The following CCNY variants were observed in gnomAD, a reference collection of about 807,000 sequenced individuals.
CCNY encodes the protein cyclin Y.
CCNY carries 19 observed loss-of-function variants against 42.8 expected under a neutral mutation model. That is an observed-to-expected ratio of 0.44 (90% CI 0.31 to 0.65). The LOEUF (loss-of-function observed/expected upper bound fraction) is 0.65, where lower values mean the gene tolerates loss of function less well. Ranked by LOEUF, CCNY falls within the 30% of genes least tolerant of loss-of-function variation. The pLI is 0.07. For synonymous variants in CCNY, 165 were observed against 162.7 expected (o/e 1.01, Z -0.11); for missense variants, 370 against 437.3 (o/e 0.85, Z 1.37).
intron 1 of CCNY, among the ~76,000 whole-genome samples, chr10:35,364,781 T>C (rs1836773390): frequency 6.6e-6 from 1 of 152,210 alleles, no homozygotes; most frequent in African/African-American, 2.4e-5. Flanking sequence ...ATTCTTATAA[T>C]TACTGCAATT....
At chr10:35,547,771 C>T (rs1489183649) in intron 7 of CCNY, among the ~76,000 whole-genome samples, 1 of 152,154 alleles carries the variant, frequency 6.6e-6, no homozygotes, top group South Asian at 2.1e-4. Flanking sequence ...GGAGCACGCT[C>T]TGCCGGCCCC....
chr10:35,416,991 T>C (rs932036511), intron 1 of CCNY, among the ~76,000 whole-genome samples: 5 of 152,230 alleles, frequency 3.3e-5, no homozygotes, highest in African/African-American at 4.8e-5. Flanking sequence ...TATTTCTTGC[T>C]TAAACAAAAC....
intron 1 of CCNY, among the ~76,000 whole-genome samples, chr10:35,432,873 C>T (rs1838443727): frequency 6.6e-6 from 1 of 152,194 alleles, no homozygotes; most frequent in South Asian, 2.1e-4. Flanking sequence ...CAGTGTGTTC[C>T]TTTGCTGTCT....
intron 8 of CCNY, 147 bp from the exon 9 acceptor site, chr10:35,565,876 T>G: frequency 5.2e-6 from 4 of 775,292 alleles, no homozygotes. Context: ...AATCCCAATA[T>G]GGTGGTCTAA....
Position 35,313,802 on chromosome 10 carries a change from G to A in CCNY, c.-9+63176G>A, listed in dbSNP as rs11010168. Among the ~76,000 whole-genome samples, 683 of 151,962 alleles carry A rather than the reference G, an allele frequency of 4.5e-3. 6 individuals are homozygous for A. Among genetic ancestry groups the A allele is most frequent in the African/African-American group, 0.016 (651 of 41,436 alleles). On this transcript the variant is annotated intron_variant, in intron 3 of 11. Transcript: ENST00000374706. ...AGCCTGGGCAACATGTTGAAACACCGTCTCTACCAAAAAAGATAAAAAAAC... is the reference window on the plus strand; with the variant it reads ...AGCCTGGGCAACATGTTGAAACACCATCTCTACCAAAAAAGATAAAAAAAC...
intron 1 of CCNY, among the ~76,000 whole-genome samples, chr10:35,470,500 C>G (rs956968651): frequency 6.6e-6 from 1 of 152,170 alleles, no homozygotes; most frequent in Admixed American, 6.5e-5. Context: ...CACACACTTG[C>G]AAAGACATAC....
At chr10:35,406,200 A>C (rs146730530) in intron 1 of CCNY, among the ~76,000 whole-genome samples, 2,190 of 104,424 alleles carry the variant, frequency 0.021, 52 homozygotes, top group East Asian at 0.072. Flanking sequence ...TTTCTTTTTT[A>C]TTTTATTTAT....
intron 1 of CCNY, among the ~76,000 whole-genome samples, chr10:35,371,261 T>C (rs1836930266): frequency 6.6e-6 from 1 of 152,228 alleles, no homozygotes; most frequent in Non-Finnish European, 1.5e-5. Context: ...CTGGACATTG[T>C]ATCAGCTGAT....
intron 1 of CCNY, among the ~76,000 whole-genome samples, chr10:35,434,769 T>C (rs1289949412): frequency 1.3e-5 from 2 of 152,236 alleles, no homozygotes; most frequent in Non-Finnish European, 2.9e-5. Flanking sequence ...ACTGTATTTT[T>C]TGACCCATGT....
At chr10:35,414,616 TG>T in intron 1 of CCNY, among the ~76,000 whole-genome samples, 1 of 152,142 alleles carries the variant, frequency 6.6e-6, no homozygotes, top group Non-Finnish European at 1.5e-5. Context: ...AATCATTGGG[TG>T]GGTGAGAACC....
intron 3 of CCNY, among the ~76,000 whole-genome samples, chr10:35,316,915 G>A (rs904548110): frequency 3.3e-5 from 5 of 152,068 alleles, no homozygotes; most frequent in Non-Finnish European, 5.9e-5. Context: ...GTGCAATCTC[G>A]CCTCACTGCA....
At chr10:35,250,989 G>C (rs1028858951) in intron 3 of CCNY, 3 of 152,192 alleles carry the variant, frequency 2.0e-5, no homozygotes, top group African/African-American at 7.2e-5. Flanking sequence ...GAATTTGCAT[G>C]TCATCCTTGC....
chr10:35,530,958 T>G lies in CCNY; in HGVS notation c.579+715T>G, dbSNP rs1401657918. Among the ~76,000 whole-genome samples, 1 of 152,070 alleles carries G rather than the reference T, an allele frequency of 6.6e-6. No individual in the cohort carries two copies. Among genetic ancestry groups the G allele is most frequent in the African/African-American group, 2.4e-5 (1 of 41,416 alleles). ...GGTGGCACGTACCTGTGGTCCCAGCTACTTGGAAGGCTGAGGTGAAAGGAT... is the reference window on the plus strand; with the variant it reads ...GGTGGCACGTACCTGTGGTCCCAGCGACTTGGAAGGCTGAGGTGAAAGGAT... On this transcript the variant is annotated intron_variant, in intron 7 of 9. Transcript: ENST00000374704. The surrounding 1 kb of genome is among the most constrained non-coding windows in gnomAD (Gnocchi z 4.3).
chr10:35,498,290 G>A (rs1462004699), intron 2 of CCNY, among the ~76,000 whole-genome samples: 4 of 152,192 alleles, frequency 2.6e-5, no homozygotes, highest in Admixed American at 6.5e-5. Flanking sequence ...CATACTGTGT[G>A]CGGCATAGAG....
At chr10:35,536,141 A>G (rs1380385442) in intron 7 of CCNY, among the ~76,000 whole-genome samples, 1 of 152,188 alleles carries the variant, frequency 6.6e-6, no homozygotes, top group African/African-American at 2.4e-5. Context: ...ACATGGCAGC[A>G]GTTTCCCCCA....
At chr10:35,439,943 G>A (rs554873147) in intron 1 of CCNY, among the ~76,000 whole-genome samples, 1 of 152,210 alleles carries the variant, frequency 6.6e-6, no homozygotes, top group African/African-American at 2.4e-5. Context: ...TTCATTGATA[G>A]TGCAGCAGTG....
At chr10:35,454,933 G>C (rs573506934) in intron 1 of CCNY, among the ~76,000 whole-genome samples, 1 of 152,212 alleles carries the variant, frequency 6.6e-6, no homozygotes, top group African/African-American at 2.4e-5. Flanking sequence ...TGCCTAGAGA[G>C]TTTTCAGGAG....
At chr10:35,468,159 G>A (rs1279399499) in intron 1 of CCNY, among the ~76,000 whole-genome samples, 2 of 152,180 alleles carry the variant, frequency 1.3e-5, no homozygotes, top group Non-Finnish European at 2.9e-5. Flanking sequence ...TCAGCTTCCC[G>A]GTTCATAGAT....
intron 4 of CCNY, among the ~76,000 whole-genome samples, chr10:35,521,729 T>C (rs948730860): frequency 1.3e-5 from 2 of 152,136 alleles, no homozygotes; most frequent in Admixed American, 1.3e-4. Flanking sequence ...AGGGTGGCTA[T>C]CTATGCCCCT....
Sources: allele counts gnomAD v4.1 joint callset (sites outside exome capture counted in the v4.1 genomes callset), GRCh38; gene constraint gnomAD v4.1.1; non-coding constraint Gnocchi (gnomAD v3.1); transcripts MANE v1.5; gene names NCBI Gene and HGNC (gene_info 2026-07-23, HGNC 2026-07-21).